The following ACSL3 variants were observed in gnomAD, a reference collection of about 807,000 sequenced individuals.
ACSL3 encodes the protein fatty acid CoA ligase Acsl3.
ACSL3 carries 34 observed loss-of-function variants against 84.7 expected under a neutral mutation model. That is an observed-to-expected ratio of 0.40 (90% CI 0.31 to 0.53). The LOEUF is 0.53. Ranked by LOEUF, ACSL3 falls within the 20% of genes least tolerant of loss-of-function variation. ACSL3 has a pLI of 0.48. For missense variants in ACSL3, 680 were observed against 873.1 expected (o/e 0.78, Z 2.79); for synonymous variants, 315 against 299.4 (o/e 1.05, Z -0.54).
chr2:222,877,273 C>T (rs1695472869), intron 1 of ACSL3, among the ~76,000 whole-genome samples: 4 of 152,102 alleles, frequency 2.6e-5, no homozygotes, highest in Admixed American at 6.5e-5. Flanking sequence ...GAGTTTTGTA[C>T]TTGAGAGATG....
rs115806280 is a variant in ACSL3 at position 222,869,364 on chromosome 2, C to T, written c.-207+8106C>T. 7.4e-3 allele frequency among the ~76,000 whole-genome samples: 1,128 copies of T among 152,304 alleles called. 22 individuals are homozygous for T. Among genetic ancestry groups the T allele is most frequent in the African/African-American group, 0.025 (1,051 of 41,564 alleles). ...TTCATCTCTCTGGCTCCCCTGTCTTCTCTTGTAACTTCCTTTTTTTCTGTT... is the reference window on the plus strand; with the variant it reads ...TTCATCTCTCTGGCTCCCCTGTCTTTTCTTGTAACTTCCTTTTTTTCTGTT... On this transcript the variant is annotated intron_variant, in intron 1 of 16. Transcript: ENST00000357430.
intron 1 of ACSL3, among the ~76,000 whole-genome samples, chr2:222,862,319 A>G (rs1263946459): frequency 2.6e-5 from 4 of 152,182 alleles, no homozygotes; most frequent in African/African-American, 9.7e-5. Context: ...AGAAGCTGGG[A>G]TTCAGACAGG....
Position 222,919,164 on chromosome 2 carries a change from T to A in ACSL3, c.767T>A (p.Met256Lys). Residue 256 changes from methionine (M) to lysine (K), a missense_variant, in exon 7 of 17, where the codon ATG becomes AAG. Physicochemically the swap from Met to Lys is moderately conservative, Grantham distance 95. Transcript: ENST00000357430. ...EFPKGIIVHT[M>K]AAVEALGAKA... is the part of the protein sequence containing the mutation. The stretch of plus-strand genomic sequence containing the variant: ...CCCAAGGGCATCATTGTGCATACCA[T>A]GGCTGCAGTGGAGGCCCTGGGAGCC... 1 of 1,614,108 alleles carries A rather than the reference T, an allele frequency of 6.2e-7. No homozygotes were observed. The highest frequency in any genetic ancestry group is 8.5e-7 in the Non-Finnish European group (1 of 1,179,986).
At position 222,916,297 on chromosome 2, in the gene ACSL3, AAAT is replaced by A; in HGVS notation, c.379-21_379-19del. The A allele has an allele frequency of 2.1e-6, 3 of 1,418,250 alleles. No individual in the cohort carries two copies. Among genetic ancestry groups the A allele is most frequent in the Non-Finnish European group, 2.8e-6 (3 of 1,075,576 alleles). The allele number at this position is 1,418,250 out of a possible 1,614,324, so 87.9% of individuals were successfully genotyped here. ...AATTATTATTTTGATTACATTAAAA[AAAT>A]TTTTTTTTGTTTTATCAGGTTATTC... On this transcript the variant is annotated intron_variant, in intron 4 of 16. Coordinates refer to ENST00000357430, the MANE Select transcript of ACSL3 (RefSeq NM_004457.5).
chr2:222,930,581 G>A (rs751017500), intron 13 of ACSL3, 40 bp from the exon 14 acceptor site: 15 of 1,470,792 alleles, frequency 1.0e-5, no homozygotes, highest in South Asian at 1.4e-5. Flanking sequence ...TTCATGTGTT[G>A]TATTTAACTC....
At chr2:222,876,270 A>G (rs562795343) in intron 1 of ACSL3, among the ~76,000 whole-genome samples, 2 of 152,144 alleles carry the variant, frequency 1.3e-5, no homozygotes, top group East Asian at 3.9e-4. Flanking sequence ...TTCTCAACAG[A>G]TGTTTGAGCA....
chr2:222,914,069 A>C (rs544949615), intron 4 of ACSL3, among the ~76,000 whole-genome samples: 1 of 152,330 alleles, frequency 6.6e-6, no homozygotes, highest in East Asian at 1.9e-4. Flanking sequence ...GAATGGTTAA[A>C]TGAAGCCAGG....
chr2:222,877,261 T>C (rs1695472762), intron 1 of ACSL3, among the ~76,000 whole-genome samples: 1 of 152,186 alleles, frequency 6.6e-6, no homozygotes, highest in African/African-American at 2.4e-5. Context: ...AGAGTAGTTT[T>C]GGAGTTTTGT....
intron 1 of ACSL3, among the ~76,000 whole-genome samples, chr2:222,876,515 T>C (rs1442419849): frequency 1.3e-5 from 2 of 152,012 alleles, no homozygotes; most frequent in Admixed American, 1.3e-4. Flanking sequence ...TTGTAGACAC[T>C]AGATCTATTT....
intron 1 of ACSL3, among the ~76,000 whole-genome samples, chr2:222,887,544 G>A (rs146841310): frequency 8.9e-4 from 136 of 152,298 alleles, no homozygotes; most frequent in African/African-American, 3.0e-3. Context: ...CACCAGCAAT[G>A]AATGAGAGTT....
intron 13 of ACSL3, among the ~76,000 whole-genome samples, chr2:222,930,290 T>G (rs1696991073): frequency 6.6e-6 from 1 of 152,244 alleles, no homozygotes; most frequent in Non-Finnish European, 1.5e-5. Context: ...TTCTGTCAGT[T>G]TATCAATATG....
rs763525370 is a variant in ACSL3 at position 222,918,120 on chromosome 2, A to G, written c.631A>G (p.Ile211Val). The G allele has an allele frequency of 2.5e-6, 4 of 1,612,268 alleles. No homozygotes were observed. In the East Asian group the frequency reaches 6.7e-5, roughly 27 times the overall value. ...ALNETEVTNI[I>V]TSKELLQTKL... is the part of the protein sequence containing the mutation. ...AAATGAAACAGAGGTGACCAACATC[A>G]TTACTAGTAAAGAACTCTTACAAAC... The change falls in exon 6 of 17, where the codon ATT (isoleucine) becomes GTT (valine). Residue 211 changes from isoleucine (I) to valine (V), a missense_variant. Physicochemically the swap from Ile to Val is conservative, Grantham distance 29. This residue lies in a region of ACSL3 where 333 missense variants were observed against 347.5 expected (regional missense o/e 0.96). Transcript: ENST00000357430.
chr2:222,872,535 C>G (rs1695333475), intron 1 of ACSL3, among the ~76,000 whole-genome samples: 1 of 152,068 alleles, frequency 6.6e-6, no homozygotes, highest in African/African-American at 2.4e-5. Context: ...ATGGATGCTC[C>G]CACCAGGTAC....
At chr2:222,922,562 C>CTCTG (rs111557691) in intron 8 of ACSL3, 146 bp from the exon 9 acceptor site, 6 of 952,860 alleles carry the variant, frequency 6.3e-6, no homozygotes, top group African/African-American at 5.0e-5. Context: ...CTGTCTCTCT[C>CTCTG]TCTCTCTCAC....
intron 16 of ACSL3, among the ~76,000 whole-genome samples, chr2:222,940,691 C>T (rs2119161): frequency 0.077 from 11,772 of 152,062 alleles, 641 homozygotes; most frequent in African/African-American, 0.14. Flanking sequence ...ACGTGCTGTG[C>T]GGGTGTGTAG....
At chr2:222,866,986 C>T (rs1221806180) in intron 1 of ACSL3, among the ~76,000 whole-genome samples, 2 of 151,820 alleles carry the variant, frequency 1.3e-5, no homozygotes, top group Non-Finnish European at 2.9e-5. Context: ...AAGTACCCAC[C>T]ACCACACTCG....
At chr2:222,903,164 G>A (rs1320805997) in intron 3 of ACSL3, among the ~76,000 whole-genome samples, 1 of 152,028 alleles carries the variant, frequency 6.6e-6, no homozygotes. Flanking sequence ...TTGAGATGAG[G>A]TCTGGCTTCG....
In ACSL3 at chr2:222,930,854, A is replaced by AC. The variant is rs748479593; in HGVS notation, c.1732+42_1732+43insC. 22 of 1,531,092 alleles carry AC rather than the reference A, an allele frequency of 1.4e-5. No homozygotes were observed. The African/African-American group carries it at 2.9e-4, about 20-fold the overall frequency. The allele number at this position is 1,531,092 out of a possible 1,614,324, so 94.8% of individuals were successfully genotyped here. A position where few individuals can be genotyped will look rare whatever the true frequency, so the allele number is the denominator to read the frequency against. On this transcript the variant is annotated intron_variant, in intron 14 of 16. Transcript: ENST00000357430. ...TTTTTTGAAAATGAATGTTTCTGAA[A>AC]TAGTTTACACAAGAAGCACAATATA...
At chr2:222,894,691 C>T (rs145942094) in intron 2 of ACSL3, among the ~76,000 whole-genome samples, 3 of 152,228 alleles carry the variant, frequency 2.0e-5, no homozygotes, top group East Asian at 1.9e-4. Flanking sequence ...CCTTGACTTG[C>T]CTATATCTTT....
Sources: allele counts gnomAD v4.1 joint callset (sites outside exome capture counted in the v4.1 genomes callset), GRCh38; gene constraint gnomAD v4.1.1; regional missense constraint gnomAD v4.1.1; transcripts MANE v1.5; gene names NCBI Gene and HGNC (gene_info 2026-07-23, HGNC 2026-07-21).